GALNT1: variants seen among roughly 807,000 people sequenced by gnomAD.
The protein encoded by GALNT1 is GalNAc transferase 1.
In GALNT1, 17 loss-of-function variants were observed where a neutral mutation model predicts 65.7. That is an observed-to-expected ratio of 0.26 (90% CI 0.18 to 0.39). GALNT1 has a LOEUF of 0.39. GALNT1 is among the 10% of genes least tolerant of loss of function. The probability of loss-of-function intolerance (pLI) is 1.00; values close to 1 mark genes in which losing one functional copy is unlikely to be tolerated. For missense variants in GALNT1, 460 were observed against 672.8 expected, an observed-to-expected ratio of 0.68 and a Z score of 3.50; for synonymous variants, 210 against 219.7, an observed-to-expected ratio of 0.96 and a Z score of 0.39.
intron 1 of GALNT1, among the ~76,000 whole-genome samples, chr18:35,592,037 G>A (rs972348140): frequency 6.6e-6 from 1 of 152,156 alleles, no homozygotes; most frequent in Non-Finnish European, 1.5e-5. Context: ...TTCATAGTTG[G>A]AGCACTGCAT....
chr18:35,602,538 T>C (rs931173669), intron 1 of GALNT1, among the ~76,000 whole-genome samples: 4 of 152,122 alleles, frequency 2.6e-5, no homozygotes, highest in Non-Finnish European at 5.9e-5. Flanking sequence ...GTAGGTGTTC[T>C]TTGTTCATTT....
At chr18:35,638,747 G>T (rs942733768) in intron 1 of GALNT1, among the ~76,000 whole-genome samples, 2 of 152,118 alleles carry the variant, frequency 1.3e-5, no homozygotes, top group Non-Finnish European at 2.9e-5. Flanking sequence ...TGATTCCTTT[G>T]GTGGATCTGA....
chr18:35,633,501 A>C (rs2047047429), intron 1 of GALNT1, among the ~76,000 whole-genome samples: 2 of 136,428 alleles, frequency 1.5e-5, no homozygotes, highest in Admixed American at 1.6e-4. Flanking sequence ...CAATGAGAAC[A>C]CTTGGACACA....
chr18:35,647,267 G>A (rs2047243163), intron 1 of GALNT1, among the ~76,000 whole-genome samples: 1 of 150,600 alleles, frequency 6.6e-6, no homozygotes, highest in Non-Finnish European at 1.5e-5. Flanking sequence ...TTCTTTCAAA[G>A]CAGTTATCAC....
At chr18:35,691,382 A>G (rs1330655679) in intron 8 of GALNT1, among the ~76,000 whole-genome samples, 190 bp downstream of exon 8, 1 of 152,232 alleles carries the variant, frequency 6.6e-6, no homozygotes, top group Admixed American at 6.5e-5. Context: ...AATAATATAT[A>G]ATTAACAGTA....
chr18:35,598,429 T>C (rs564899154), intron 1 of GALNT1, among the ~76,000 whole-genome samples: 98 of 152,204 alleles, frequency 6.4e-4, no homozygotes, highest in African/African-American at 2.3e-3. Flanking sequence ...TTTCACTCTC[T>C]ACCTCTGTGA....
intron 2 of GALNT1, among the ~76,000 whole-genome samples, chr18:35,663,148 G>C (rs766341941): frequency 6.6e-6 from 1 of 152,196 alleles, no homozygotes; most frequent in African/African-American, 2.4e-5. Context: ...GCCGTGAGGG[G>C]ATGTGAGCAA....
intron 1 of GALNT1, among the ~76,000 whole-genome samples, chr18:35,635,288 AC>A (rs2047074195): frequency 6.6e-6 from 1 of 152,318 alleles, no homozygotes; most frequent in Admixed American, 6.5e-5. Flanking sequence ...CAGAGTTCTT[AC>A]AGGGAGCTAG....
intron 1 of GALNT1, among the ~76,000 whole-genome samples, chr18:35,592,817 C>G (rs537067356): frequency 1.3e-5 from 2 of 152,098 alleles, no homozygotes; most frequent in Admixed American, 6.6e-5. Flanking sequence ...CTGGCCTTCA[C>G]CTTAGTACCT....
intron 4 of GALNT1, among the ~76,000 whole-genome samples, chr18:35,680,003 A>G (rs758098803): frequency 7.9e-5 from 12 of 151,974 alleles, no homozygotes; most frequent in Non-Finnish European, 1.6e-4. Context: ...GAGCTTTTTT[A>G]AAGCATGCAA....
At chr18:35,663,595 AT>A in intron 2 of GALNT1, 32 bp from the exon 3 acceptor site, 1 of 1,573,062 alleles carries the variant, frequency 6.4e-7, no homozygotes, top group Middle Eastern at 1.7e-4. Context: ...TTGCTATGAA[AT>A]TAATGTTAGT....
intron 1 of GALNT1, among the ~76,000 whole-genome samples, chr18:35,623,620 C>G (rs1285747193): frequency 6.6e-6 from 1 of 152,114 alleles, no homozygotes; most frequent in East Asian, 1.9e-4. Flanking sequence ...CTTTCCTTTT[C>G]AGATGGGATA....
chr18:35,581,668 C>CGCG (rs1315866757), upstream of GALNT1: 5 of 47,540 alleles, frequency 1.1e-4, no homozygotes, highest in African/African-American at 3.6e-4. Context: ...CCGAGCCGGG[C>CGCG]GCGGAGGCGG....
chr18:35,639,695 C>T (rs974300275), intron 1 of GALNT1, among the ~76,000 whole-genome samples: 3 of 152,068 alleles, frequency 2.0e-5, no homozygotes, highest in Non-Finnish European at 4.4e-5. Context: ...TTGAGTTTGG[C>T]TTTTTTTCCC....
intron 2 of GALNT1, among the ~76,000 whole-genome samples, chr18:35,659,500 C>T (rs1032383357): frequency 2.6e-5 from 4 of 151,994 alleles, no homozygotes; most frequent in South Asian, 2.1e-4. Flanking sequence ...TGAAAGAATA[C>T]GGGTAGTGGG....
chr18:35,583,762 C>G (rs1300576796), intron 1 of GALNT1, among the ~76,000 whole-genome samples: 1 of 152,112 alleles, frequency 6.6e-6, no homozygotes, highest in Non-Finnish European at 1.5e-5. Context: ...CAAGGTAATT[C>G]TCATGACATC....
chr18:35,643,799 A>G (rs958713288), intron 1 of GALNT1, among the ~76,000 whole-genome samples: 6 of 151,712 alleles, frequency 4.0e-5, no homozygotes, highest in Admixed American at 6.6e-5. Context: ...CTGACTCAAA[A>G]AAAAAAAAAG....
At chr18:35,685,835 G>A (rs900683391) in intron 5 of GALNT1, among the ~76,000 whole-genome samples, 1 of 152,204 alleles carries the variant, frequency 6.6e-6, no homozygotes, top group African/African-American at 2.4e-5. Context: ...GGGAGACCGA[G>A]GTGGGCAGAT....
At chr18:35,626,775 A>G (rs2046922746) in intron 1 of GALNT1, among the ~76,000 whole-genome samples, 1 of 152,270 alleles carries the variant, frequency 6.6e-6, no homozygotes, top group Non-Finnish European at 1.5e-5. Flanking sequence ...GGCTTCCCCC[A>G]TGGCCTCAAG....
Sources: allele counts gnomAD v4.1 joint callset (sites outside exome capture counted in the v4.1 genomes callset), GRCh38; gene constraint gnomAD v4.1.1; transcripts MANE v1.5; gene names NCBI Gene and HGNC (gene_info 2026-07-23, HGNC 2026-07-21).